Variants in L3MBTL4 observed in about 807,000 individuals in gnomAD.
L3MBTL4 encodes L3MBTL histone methyl-lysine binding protein 4.
Under a neutral mutation model 84.5 loss-of-function variants are expected in L3MBTL4, and 70 were observed. The observed-to-expected ratio is 0.83, with a 90% CI of 0.68 to 1.01. The LOEUF (loss-of-function observed/expected upper bound fraction) is 1.01, where lower values mean the gene tolerates loss of function less well. Ranked by LOEUF, L3MBTL4 falls within the 50% of genes least tolerant of loss-of-function variation. L3MBTL4 has a pLI of 0.00. For synonymous variants in L3MBTL4, 274 were observed against 259.8 expected, an observed-to-expected ratio of 1.05 and a Z score of -0.52; for missense variants, 715 against 754.8, an observed-to-expected ratio of 0.95 and a Z score of 0.62.
intron 14 of L3MBTL4, among the ~76,000 whole-genome samples, chr18:6,103,626 G>T (rs1021538978): frequency 2.6e-5 from 4 of 152,074 alleles, no homozygotes; most frequent in African/African-American, 7.2e-5. Flanking sequence ...CTTTTGGAAG[G>T]CCCTAAGTTC....
chr18:6,249,489 T>C (rs926506536), intron 5 of L3MBTL4, among the ~76,000 whole-genome samples: 1 of 152,208 alleles, frequency 6.6e-6, no homozygotes, highest in African/African-American at 2.4e-5. Context: ...GGTTTCCCAA[T>C]GGAACATTTG....
intron 1 of L3MBTL4, among the ~76,000 whole-genome samples, chr18:6,324,439 C>G (rs980039518): frequency 1.3e-5 from 2 of 152,212 alleles, no homozygotes; most frequent in Non-Finnish European, 2.9e-5. Flanking sequence ...CTGAGAGCAG[C>G]CACAGGGGCT....
chr18:6,175,916 C>CA lies in L3MBTL4; in HGVS notation c.982-3975dup, dbSNP rs555916222. ...CAATTCTATTAATATATACTGGCAA[C>CA]AAAAAAATTTAAAAAATATTAATTT... On this transcript the variant is annotated intron_variant, in intron 12 of 18. Transcript: ENST00000317931. 1.5e-3 allele frequency among the ~76,000 whole-genome samples: 224 copies of CA among 151,618 alleles called. 1 individual carries two copies. Among genetic ancestry groups the CA allele is most frequent in the African/African-American group, 5.1e-3 (212 of 41,368 alleles).
intron 1 of L3MBTL4, among the ~76,000 whole-genome samples, chr18:6,411,511 C>T (rs1292937409): frequency 1.3e-5 from 2 of 152,166 alleles, no homozygotes; most frequent in African/African-American, 4.8e-5. Flanking sequence ...CTTCTCAGCG[C>T]CTATTTTTTA....
chr18:6,227,558 C>T (rs192391005), intron 10 of L3MBTL4, among the ~76,000 whole-genome samples: 2 of 152,280 alleles, frequency 1.3e-5, no homozygotes, highest in East Asian at 3.9e-4. Context: ...ATAAATAATA[C>T]TAATTTTAAA....
chr18:5,973,032 A>C (rs1349986212), intron 16 of L3MBTL4, among the ~76,000 whole-genome samples: 1 of 152,222 alleles, frequency 6.6e-6, no homozygotes, highest in Non-Finnish European at 1.5e-5. Context: ...AGCTCCTGGT[A>C]CATAACGTGT....
chr18:6,303,222 T>G (rs2050422888), intron 3 of L3MBTL4, among the ~76,000 whole-genome samples: 1 of 151,942 alleles, frequency 6.6e-6, no homozygotes, highest in African/African-American at 2.4e-5. Context: ...ACCTCCCAGG[T>G]TCAAGTGATT....
intron 13 of L3MBTL4, among the ~76,000 whole-genome samples, chr18:6,140,207 A>G (rs1434275804): frequency 6.6e-6 from 1 of 152,134 alleles, no homozygotes; most frequent in Admixed American, 6.5e-5. Context: ...CCAGGCCACT[A>G]ATTTCCCTTC....
chr18:6,405,209 C>T (rs916965039), intron 1 of L3MBTL4, among the ~76,000 whole-genome samples: 7 of 152,146 alleles, frequency 4.6e-5, no homozygotes, highest in African/African-American at 1.7e-4. Context: ...TCTTTTGTGC[C>T]CTACGGCAGC....
chr18:6,138,860 A>G (rs2144648073), intron 13 of L3MBTL4, among the ~76,000 whole-genome samples: 1 of 152,312 alleles, frequency 6.6e-6, no homozygotes, highest in African/African-American at 2.4e-5. Flanking sequence ...TAGATATGAG[A>G]ACATTCACTT....
chr18:6,008,185 G>C (rs1358851082), intron 16 of L3MBTL4, among the ~76,000 whole-genome samples: 1 of 152,130 alleles, frequency 6.6e-6, no homozygotes, highest in Non-Finnish European at 1.5e-5. Context: ...TCCTTGCAGA[G>C]TGAGAATGGG....
chr18:6,022,049 A>G (rs1387340737), intron 16 of L3MBTL4, among the ~76,000 whole-genome samples: 1 of 152,186 alleles, frequency 6.6e-6, no homozygotes, highest in Non-Finnish European at 1.5e-5. Context: ...ACCCTGGGCC[A>G]ATTTCTAATA....
At chr18:6,216,380 T>C (rs1328019600) in intron 10 of L3MBTL4, among the ~76,000 whole-genome samples, 1 of 152,158 alleles carries the variant, frequency 6.6e-6, no homozygotes, top group Non-Finnish European at 1.5e-5. Context: ...TTCCTTCTTG[T>C]TTCTCTTTAT....
intron 14 of L3MBTL4, among the ~76,000 whole-genome samples, chr18:6,095,876 G>T (rs960663779): frequency 5.9e-5 from 9 of 152,230 alleles, no homozygotes; most frequent in Non-Finnish European, 1.0e-4. Context: ...CACCGTATGG[G>T]ATTTAAGGAA....
intron 1 of L3MBTL4, among the ~76,000 whole-genome samples, chr18:6,313,778 A>G (rs151023819): frequency 7.2e-4 from 109 of 152,306 alleles, no homozygotes; most frequent in Non-Finnish European, 1.3e-3. Flanking sequence ...AATAACCTTG[A>G]TTTGTTTAAA....
At chr18:6,107,854 C>A (rs140778866) in intron 14 of L3MBTL4, among the ~76,000 whole-genome samples, 1 of 152,134 alleles carries the variant, frequency 6.6e-6, no homozygotes, top group East Asian at 1.9e-4. Context: ...CTGCACATTT[C>A]GTGTATCTAT....
At position 6,368,291 on chromosome 18, in the gene L3MBTL4, G is replaced by A. The variant is rs78333390; in HGVS notation, c.-91+46510C>T. On this transcript the variant is annotated intron_variant, in intron 1 of 18. Transcript: ENST00000317931. ...TCAACAGCATAAAAATACTTGGGGT[G>A]CGAGCAAGGGAGAGAAAACACCAGA... Among the ~76,000 whole-genome samples, 23 of 152,138 alleles carry A rather than the reference G, an allele frequency of 1.5e-4. No individual in the cohort carries two copies. The East Asian group carries it at 4.3e-3, about 28-fold the overall frequency.
chr18:6,287,089 C>T (rs1420051832), intron 4 of L3MBTL4, among the ~76,000 whole-genome samples: 1 of 152,076 alleles, frequency 6.6e-6, no homozygotes, highest in East Asian at 1.9e-4. Context: ...GTAGTCAGTG[C>T]TTGCATTTTA....
intron 12 of L3MBTL4, among the ~76,000 whole-genome samples, chr18:6,179,662 G>A (rs2044379446): frequency 6.6e-6 from 1 of 152,132 alleles, no homozygotes; most frequent in South Asian, 2.1e-4. Flanking sequence ...TAGTTGTAAT[G>A]TGTGTGTGTG....
Sources: allele counts gnomAD v4.1 joint callset (sites outside exome capture counted in the v4.1 genomes callset), GRCh38; gene constraint gnomAD v4.1.1; transcripts MANE v1.5; gene names NCBI Gene and HGNC (gene_info 2026-07-23, HGNC 2026-07-21).